The following KIT variants were observed in gnomAD, a reference collection of about 807,000 sequenced individuals.
KIT encodes the protein KIT proto-oncogene, receptor tyrosine kinase, also known as mast/stem cell growth factor receptor Kit.
A neutral mutation model predicts 105.7 loss-of-function variants in KIT; 16 were observed. That is an observed-to-expected ratio of 0.15 (90% confidence interval 0.10 to 0.23). The LOEUF is 0.23. Ranked by LOEUF, KIT falls within the 10% of genes least tolerant of loss-of-function variation. The probability of loss-of-function intolerance (pLI) is 1.00; values close to 1 mark genes in which losing one functional copy is unlikely to be tolerated. For missense variants in KIT, 858 were observed against 1,213.8 expected (o/e 0.71, Z 4.36); for synonymous variants, 438 against 441.1 (o/e 0.99, Z 0.09).
intron 1 of KIT, among the ~76,000 whole-genome samples, chr4:54,690,812 AAAAC>A (rs1311541781): frequency 2.0e-5 from 3 of 152,228 alleles, no homozygotes; most frequent in Non-Finnish European, 4.4e-5. Flanking sequence ...TCTTTTAAAA[AAAAC>A]TTTGTTTTTC....
At chr4:54,729,516 T>C in intron 14 of KIT, 31 bp downstream of exon 14, 1 of 1,609,700 alleles carries the variant, frequency 6.2e-7, no homozygotes, top group Non-Finnish European at 8.5e-7. Context: ...TAGTTAGCTG[T>C]TGACAGGCAG....
chr4:54,667,036 A>G (rs1404591678), intron 1 of KIT, among the ~76,000 whole-genome samples: 1 of 152,178 alleles, frequency 6.6e-6, no homozygotes, highest in Non-Finnish European at 1.5e-5. Flanking sequence ...AGGTCTAGAG[A>G]AATCCATAAT....
At chr4:54,703,349 T>C (rs555212600) in intron 4 of KIT, among the ~76,000 whole-genome samples, 6 of 152,254 alleles carry the variant, frequency 3.9e-5, no homozygotes, top group Non-Finnish European at 7.4e-5. Flanking sequence ...CATTGGGACA[T>C]AGAAGAGAAA....
chr4:54,725,806 A>G (rs2109767437), intron 8 of KIT, 51 bp from the exon 9 acceptor site: 2 of 1,488,396 alleles, frequency 1.3e-6, no homozygotes, highest in South Asian at 1.2e-5. Context: ...TGTTTTATGT[A>G]TTTATTTATT....
chr4:54,695,738 C>T lies in KIT; in HGVS notation c.294C>T (p.Thr98=), dbSNP rs959320112. The change falls in exon 2 of 21, where the codon ACC becomes ACT. Residue 98 remains threonine, a synonymous_variant. Coordinates refer to ENST00000288135, the MANE Select transcript of KIT (RefSeq NM_000222.3). The part of the protein sequence containing the change: ...EATNTGKYTC[T]NKHGLSNSIY... Reference sequence around the variant, plus strand: ...CCAACACCGGCAAATACACGTGCACCAACAAACACGGCTTAAGCAATTCCA... The same window carrying T: ...CCAACACCGGCAAATACACGTGCACTAACAAACACGGCTTAAGCAATTCCA... 6.2e-7 allele frequency: 1 copy of T among 1,614,228 alleles called. No homozygotes were observed. Among genetic ancestry groups the T allele is most frequent in the Non-Finnish European group, 8.5e-7 (1 of 1,180,046 alleles).
At chr4:54,691,050 C>G (rs577558743) in intron 1 of KIT, among the ~76,000 whole-genome samples, 16 of 151,568 alleles carry the variant, frequency 1.1e-4, no homozygotes, top group African/African-American at 3.9e-4. Flanking sequence ...TTAGAGGGCC[C>G]TTATTTGGAG....
At chr4:54,696,018 CA>C in intron 2 of KIT, 1 of 572,422 alleles carries the variant, frequency 1.7e-6, no homozygotes, top group South Asian at 2.0e-5. Context: ...AATGAGATTA[CA>C]GTAGGTTTAG....
chr4:54,713,770 A>T (rs1246747533), intron 7 of KIT, among the ~76,000 whole-genome samples: 1 of 152,210 alleles, frequency 6.6e-6, no homozygotes, highest in Non-Finnish European at 1.5e-5. Context: ...TTAATTGCTT[A>T]TATGGTAGAC....
Position 54,736,811 on chromosome 4 carries a change from C to T in KIT, c.2687C>T (p.Pro896Leu), listed in dbSNP as rs1380483109. 1.2e-6 allele frequency: 2 copies of T among 1,613,928 alleles called. No individual in the cohort carries two copies. The highest frequency in any genetic ancestry group is 1.7e-6 in the Non-Finnish European group (2 of 1,179,818). ...GFRMLSPEHAPAEMYDIMKTC... is the reference protein window; with the variant it reads ...GFRMLSPEHALAEMYDIMKTC... ...CGGATGCTCAGCCCTGAACACGCAC[C>T]TGCTGAAATGTAAGAGCCAAAAAAT... Residue 896 changes from proline (P) to leucine (L), a missense_variant, in exon 19 of 21, where the codon CCT (proline) becomes CTT (leucine). Pro to Leu is a moderately conservative substitution (Grantham distance 98). Transcript: ENST00000288135.
chr4:54,702,301 A>G (rs993791874), intron 4 of KIT, among the ~76,000 whole-genome samples: 8 of 152,188 alleles, frequency 5.3e-5, no homozygotes, highest in Non-Finnish European at 7.4e-5. Flanking sequence ...TGATTTTAAT[A>G]ATATATTTTA....
chr4:54,730,019 CA>C (rs769635641), intron 14 of KIT, among the ~76,000 whole-genome samples: 2 of 152,152 alleles, frequency 1.3e-5, no homozygotes, highest in African/African-American at 2.4e-5. Context: ...TATTAAAAGA[CA>C]TAACTACTCC....
Position 54,707,175 on chromosome 4 carries a change from G to A in KIT, c.1003G>A (p.Val335Ile). 1 of 1,595,394 alleles carries A rather than the reference G, an allele frequency of 6.3e-7. No individual in the cohort carries two copies. Among genetic ancestry groups the A allele is most frequent in the South Asian group, 1.1e-5 (1 of 90,646 alleles). The change falls in exon 6 of 21, where the codon GTT becomes ATT. Residue 335 changes from valine (V) to isoleucine (I), a missense_variant. Val to Ile is a conservative substitution (Grantham distance 29). This residue lies in a region of KIT where 401 missense variants were observed against 601.0 expected (regional missense o/e 0.67). Transcript: ENST00000288135. ...VNDGENVDLI[V>I]EYEAFPKPEH... ...CGATGGAGAAAATGTAGATTTGATT[G>A]TTGAATATGAAGCATTCCCCAAACC...
Position 54,738,673 on chromosome 4 carries a change from G to T in KIT, c.*116G>T, listed in dbSNP as rs1242895164. On this transcript the variant is annotated 3_prime_UTR_variant, in exon 21 of 21. Coordinates refer to ENST00000288135, the MANE Select transcript of KIT (RefSeq NM_000222.3). ...ACTCCAGGATAGTGGGCACCCCACT[G>T]CAATCCTGTCTTTCTGAGCACACTT... The T allele has an allele frequency of 7.9e-7, 1 of 1,268,196 alleles. No individual in the cohort carries two copies. The highest frequency in any genetic ancestry group is 1.1e-6 in the Non-Finnish European group (1 of 878,954). 78.6% of individuals were successfully genotyped at this position (1,268,196 alleles called of 1,614,324 possible). A position where few individuals can be genotyped will look rare whatever the true frequency, so the allele number is the denominator to read the frequency against.
intron 1 of KIT, among the ~76,000 whole-genome samples, chr4:54,678,701 A>G (rs193288924): frequency 2.6e-5 from 4 of 152,012 alleles, no homozygotes; most frequent in Non-Finnish European, 5.9e-5. Context: ...AAGCACCTTA[A>G]TTTCCAGTGT....
At chr4:54,669,535 T>C (rs1171240656) in intron 1 of KIT, among the ~76,000 whole-genome samples, 1 of 152,230 alleles carries the variant, frequency 6.6e-6, no homozygotes, top group Non-Finnish European at 1.5e-5. Context: ...TCTGTATCTT[T>C]AATCTGCCCT....
At chr4:54,670,567 A>G (rs1577916838) in intron 1 of KIT, among the ~76,000 whole-genome samples, 1 of 152,144 alleles carries the variant, frequency 6.6e-6, no homozygotes, top group South Asian at 2.1e-4. Flanking sequence ...CATGCAGACT[A>G]CTCTGACCAA....
intron 4 of KIT, 95 bp downstream of exon 4, chr4:54,699,861 A>C: frequency 8.1e-6 from 11 of 1,353,376 alleles, no homozygotes; most frequent in Non-Finnish European, 1.1e-5. Context: ...TGCCTCGACT[A>C]GTGCGTCTGT....
chr4:54,703,887 T>C lies in KIT; in HGVS notation c.920T>C (p.Val307Ala), dbSNP rs886480885. The change falls in exon 5 of 21, where the codon GTA (valine) becomes GCA (alanine). Residue 307 changes from valine (V) to alanine (A), a missense_variant. Around this residue, in one of 7 missense-constraint regions of KIT, gnomAD observed 401 missense variants for 601.0 expected, o/e 0.67. Coordinates refer to ENST00000288135, the MANE Select transcript of KIT (RefSeq NM_000222.3). ...GSANVTTTLE[V>A]VDKGFINIFP... ...GCAAATGTCACAACAACCTTGGAAG[T>C]AGTAGGTAAATACCTCTATGGGAAT... The C allele has an allele frequency of 1.2e-6, 2 of 1,612,050 alleles. No individual in the cohort carries two copies. The highest frequency in any genetic ancestry group is 2.2e-5 in the East Asian group (1 of 44,852).
At chr4:54,695,425 C>A in intron 1 of KIT, 87 bp from the exon 2 acceptor site, 1 of 1,382,878 alleles carries the variant, frequency 7.2e-7, no homozygotes, top group Non-Finnish European at 1.0e-6. Context: ...GTAGAGTACA[C>A]AGAAGATGGA....
Sources: allele counts gnomAD v4.1 joint callset (sites outside exome capture counted in the v4.1 genomes callset), GRCh38; gene constraint gnomAD v4.1.1; regional missense constraint gnomAD v4.1.1; transcripts MANE v1.5; gene names NCBI Gene and HGNC (gene_info 2026-07-23, HGNC 2026-07-21).